Variants in MECOM observed in about 807,000 individuals in gnomAD.
MECOM encodes the protein MDS1 and EVI1 complex locus.
A neutral mutation model predicts 116.3 loss-of-function variants in MECOM; 13 were observed. That is an observed-to-expected ratio of 0.11 (90% CI 0.07 to 0.18). The LOEUF (loss-of-function observed/expected upper bound fraction) is 0.18, where lower values mean the gene tolerates loss of function less well. Ranked by LOEUF, MECOM falls within the 10% of genes least tolerant of loss-of-function variation. MECOM has a pLI of 1.00. For missense variants in MECOM, 1,299 were observed against 1,509.0 expected (o/e 0.86, Z 2.31); for synonymous variants, 528 against 535.2 (o/e 0.99, Z 0.19).
chr3:169,522,086 T>C lies in MECOM; in HGVS notation c.38-140562A>G, dbSNP rs548011215. Reference sequence around the variant, plus strand: ...GGTCCTGGAATCAATCCTTCACAGATACAGAGGGATGACTGTATACATGTT... The same window carrying C: ...GGTCCTGGAATCAATCCTTCACAGACACAGAGGGATGACTGTATACATGTT... On this transcript the variant is annotated intron_variant, in intron 1 of 16. Coordinates refer to ENST00000651503, the MANE Select transcript of MECOM (RefSeq NM_004991.4). 2.0e-5 allele frequency among the ~76,000 whole-genome samples: 3 copies of C among 152,298 alleles called. No homozygotes were observed. In the East Asian group the frequency reaches 5.8e-4, roughly 29 times the overall value.
intron 1 of MECOM, among the ~76,000 whole-genome samples, chr3:169,582,466 G>A (rs1765231324): frequency 1.3e-5 from 2 of 152,038 alleles, no homozygotes; most frequent in Admixed American, 1.3e-4. Context: ...AAGAAAATGG[G>A]GAATAGAAGA....
intron 2 of MECOM, among the ~76,000 whole-genome samples, chr3:169,364,170 A>G (rs897232420): frequency 2.6e-5 from 4 of 151,952 alleles, no homozygotes; most frequent in African/African-American, 9.7e-5. Flanking sequence ...CTTTATTTGC[A>G]AAAGGGTTTC....
intron 2 of MECOM, among the ~76,000 whole-genome samples, chr3:169,337,468 C>T (rs1367695652): frequency 6.6e-6 from 1 of 152,102 alleles, no homozygotes; most frequent in Non-Finnish European, 1.5e-5. Context: ...TAATACCAAC[C>T]TCCATCTTTT....
Position 169,131,507 on chromosome 3 carries a change from T to C in MECOM, c.535A>G (p.Ile179Val). ...DQIFYRVVAD[I>V]APGEELLLFM... ...AGCAGAAGCTCCTCTCCCGGCGCAA[T>C]GTCTGCAACTACTCTATAGAATATC... The change falls in exon 4 of 17, where the codon ATT becomes GTT. Residue 179 changes from isoleucine to valine, a missense_variant. Around this residue, in one of 6 missense-constraint regions of MECOM, gnomAD observed 374 missense variants for 433.4 expected, o/e 0.86. Coordinates refer to ENST00000651503, the MANE Select transcript of MECOM (RefSeq NM_004991.4). 1.2e-6 allele frequency: 2 copies of C among 1,613,628 alleles called. No homozygotes were observed. Among genetic ancestry groups the C allele is most frequent in the Non-Finnish European group, 1.7e-6 (2 of 1,179,860 alleles).
At chr3:169,123,369 G>A (rs915292949) in intron 5 of MECOM, among the ~76,000 whole-genome samples, 1 of 150,782 alleles carries the variant, frequency 6.6e-6, no homozygotes, top group African/African-American at 2.4e-5. Flanking sequence ...CTAAGAATTG[G>A]GGAGCAAAAA....
intron 2 of MECOM, among the ~76,000 whole-genome samples, chr3:169,164,559 G>T (rs1360501097): frequency 1.3e-5 from 2 of 151,962 alleles, no homozygotes; most frequent in Non-Finnish European, 2.9e-5. Context: ...ATCTACTAAG[G>T]TTCTCAAAAG....
intron 2 of MECOM, among the ~76,000 whole-genome samples, chr3:169,316,850 G>T (rs2149742190): frequency 6.6e-6 from 1 of 152,236 alleles, no homozygotes; most frequent in East Asian, 1.9e-4. Context: ...ACTGCGCCCG[G>T]CCAAAAGACA....
At chr3:169,154,490 C>G (rs1741643536) in intron 2 of MECOM, among the ~76,000 whole-genome samples, 1 of 152,072 alleles carries the variant, frequency 6.6e-6, no homozygotes, top group Admixed American at 6.5e-5. Flanking sequence ...ATTTGGATGC[C>G]TGTTACCTCT....
intron 2 of MECOM, among the ~76,000 whole-genome samples, chr3:169,205,741 A>G (rs1477492800): frequency 6.6e-6 from 1 of 152,210 alleles, no homozygotes; most frequent in African/African-American, 2.4e-5. Flanking sequence ...TTTTGGCCAA[A>G]TTAGATCGCT....
intron 1 of MECOM, among the ~76,000 whole-genome samples, chr3:169,604,634 C>T (rs1234108526): frequency 6.6e-6 from 1 of 152,180 alleles, no homozygotes; most frequent in Non-Finnish European, 1.5e-5. Context: ...CCTCTCCAAA[C>T]CCCAGGAGTG....
At chr3:169,500,126 CTG>C (rs1371693124) in intron 1 of MECOM, among the ~76,000 whole-genome samples, 1 of 151,922 alleles carries the variant, frequency 6.6e-6, no homozygotes, top group Non-Finnish European at 1.5e-5. Flanking sequence ...TTTAAAATAA[CTG>C]AATAAAAATA....
At chr3:169,248,403 G>A (rs1274491167) in intron 2 of MECOM, among the ~76,000 whole-genome samples, 1 of 152,184 alleles carries the variant, frequency 6.6e-6, no homozygotes, top group African/African-American at 2.4e-5. Context: ...ATGGAAAACT[G>A]CTAAATCTAC....
intron 1 of MECOM, among the ~76,000 whole-genome samples, chr3:169,645,056 A>T (rs980950433): frequency 6.6e-6 from 1 of 152,190 alleles, no homozygotes; most frequent in South Asian, 2.1e-4. Context: ...CTCCGGAACC[A>T]TTAGGAACAC....
chr3:169,347,347 A>G (rs1329806228), intron 2 of MECOM, among the ~76,000 whole-genome samples: 1 of 152,056 alleles, frequency 6.6e-6, no homozygotes, highest in Non-Finnish European at 1.5e-5. Flanking sequence ...AATAAATCAA[A>G]TAAGTGAATA....
chr3:169,102,404 C>T (rs571301739), intron 10 of MECOM, among the ~76,000 whole-genome samples, 178 bp from the exon 11 acceptor site: 1 of 152,230 alleles, frequency 6.6e-6, no homozygotes, highest in East Asian at 1.9e-4. Flanking sequence ...TTGGGAAATA[C>T]CATAAGTAGA....
chr3:169,091,659 G>A lies in MECOM; in HGVS notation c.3164+1299C>T, dbSNP rs566876031. The stretch of plus-strand genomic sequence containing the variant: ...CGCACACACACACACAAATGGGCAA[G>A]TAAAGGGAAAGGTACATCCAACTGC... On this transcript the variant is annotated intron_variant, in intron 14 of 16. Transcript: ENST00000651503. Among the ~76,000 whole-genome samples the A allele has an allele frequency of 4.6e-4, 70 of 152,106 alleles. 2 individuals are homozygous for A. The South Asian group carries it at 0.012, about 25-fold the overall frequency.
rs559862051 is a variant in MECOM at position 169,606,107 on chromosome 3, T to A, written c.37+57229A>T. On this transcript the variant is annotated intron_variant, in intron 1 of 16. Coordinates refer to ENST00000651503, the MANE Select transcript of MECOM (RefSeq NM_004991.4). The stretch of plus-strand genomic sequence containing the variant: ...TTTAAATATTCCAAGTGGTATCCAC[T>A]ACTTTGATTAGAAATTAAAAGAGGC... Among the ~76,000 whole-genome samples, 29 of 152,322 alleles carry A rather than the reference T, an allele frequency of 1.9e-4. No homozygotes were observed. In the South Asian group the frequency reaches 5.4e-3, roughly 28 times the overall value.
intron 1 of MECOM, among the ~76,000 whole-genome samples, chr3:169,395,423 T>A (rs1318846019): frequency 6.6e-6 from 1 of 152,134 alleles, no homozygotes; most frequent in Non-Finnish European, 1.5e-5. Flanking sequence ...GTGTCCTTAG[T>A]CTGCTTAAAG....
At chr3:169,536,720 A>G (rs1011539770) in intron 1 of MECOM, among the ~76,000 whole-genome samples, 1 of 152,130 alleles carries the variant, frequency 6.6e-6, no homozygotes, top group Non-Finnish European at 1.5e-5. Context: ...GCCCAACCTC[A>G]TGCTTCAAGA....
Sources: gnomAD v4.1 joint callset for allele counts (sites outside exome capture counted in the v4.1 genomes callset) on GRCh38, gnomAD v4.1.1 for gene constraint, gnomAD v4.1.1 regional missense constraint, MANE v1.5 for transcripts, NCBI Gene and HGNC (gene_info 2026-07-23, HGNC 2026-07-21) for gene names.